The following EPG5 variants were observed in gnomAD, a reference collection of about 807,000 sequenced individuals.
EPG5 encodes the protein ectopic P-granules 5 autophagy tethering factor.
A neutral mutation model predicts 302.7 loss-of-function variants in EPG5; 159 were observed. That is an observed-to-expected ratio of 0.53 (90% CI 0.46 to 0.60). The LOEUF is 0.60. Ranked by LOEUF, EPG5 falls within the 20% of genes least tolerant of loss-of-function variation. EPG5 has a pLI of 0.00. For synonymous variants in EPG5, 1,158 were observed against 1,136.8 expected (o/e 1.02, Z -0.37); for missense variants, 2,896 against 3,092.4 (o/e 0.94, Z 1.51).
chr18:45,953,430 C>T (rs756085303), intron 2 of EPG5: 1 of 985,328 alleles, frequency 1.0e-6, no homozygotes, highest in Non-Finnish European at 1.2e-6. Context: ...CCAAATATTT[C>T]CCTCCTTACT....
At chr18:45,890,883 G>A (rs1272217750) in intron 27 of EPG5, among the ~76,000 whole-genome samples, 1 of 152,132 alleles carries the variant, frequency 6.6e-6, no homozygotes, top group Non-Finnish European at 1.5e-5. Flanking sequence ...TCAGACTGGG[G>A]AGCTGAGAGA....
chr18:45,834,573 TA>T, the EPG5 span, among the ~76,000 whole-genome samples: 1 of 152,230 alleles, frequency 6.6e-6, no homozygotes, highest in Non-Finnish European at 1.5e-5. Flanking sequence ...ACAGAAGGGA[TA>T]TTGTTCATGC....
chr18:45,885,569 G>A (rs1356950692), intron 29 of EPG5, among the ~76,000 whole-genome samples: 1 of 152,014 alleles, frequency 6.6e-6, no homozygotes, highest in East Asian at 1.9e-4. Context: ...TAATCAAGAT[G>A]ACGTCATCTT....
At position 45,904,821 on chromosome 18, in the gene EPG5, T is replaced by C. The variant is rs148469621; in HGVS notation, c.4330-704A>G. Among the ~76,000 whole-genome samples, 59 of 152,328 alleles carry C rather than the reference T, an allele frequency of 3.9e-4. 1 individual carries two copies. Among genetic ancestry groups the C allele is most frequent in the Middle Eastern group, 6.8e-3 (2 of 294 alleles). On this transcript the variant is annotated intron_variant, in intron 24 of 43. Coordinates refer to ENST00000282041, the MANE Select transcript of EPG5 (RefSeq NM_020964.3). ...ATTTGATATAAAAAATTATTTCTAA[T>C]ATGTTTAGGTATGCTATTGGGTTAT...
rs1351447675 is a variant in EPG5, at chr18:45,851,657, T to A, written c.*810A>T. Reference sequence around the variant, plus strand: ...TAGGTGTCGACAGGGGCAAGTGATGTGAATGAGGCTAGGGTCAGGGCCCGA... The same window carrying A: ...TAGGTGTCGACAGGGGCAAGTGATGAGAATGAGGCTAGGGTCAGGGCCCGA... On this transcript the variant is annotated 3_prime_UTR_variant, in exon 44 of 44. Coordinates refer to ENST00000282041, the MANE Select transcript of EPG5 (RefSeq NM_020964.3). The A allele has an allele frequency of 6.6e-6, 1 of 152,216 alleles. No individual in the cohort carries two copies. The highest frequency in any genetic ancestry group is 2.4e-5 in the African/African-American group (1 of 41,446). 9.4% of individuals were successfully genotyped at this position (152,216 alleles called of 1,614,324 possible).
chr18:45,894,088 A>G (rs1347587448), intron 27 of EPG5, among the ~76,000 whole-genome samples: 1 of 152,214 alleles, frequency 6.6e-6, no homozygotes, highest in East Asian at 1.9e-4. Flanking sequence ...TAATCATAAC[A>G]CAAAATAAGT....
the EPG5 span, among the ~76,000 whole-genome samples, chr18:45,835,221 A>AAAGCAAGT: frequency 6.6e-6 from 1 of 152,228 alleles, no homozygotes; most frequent in Non-Finnish European, 1.5e-5. Context: ...AGCCAAAACA[A>AAAGCAAGT]AAGGGAGATA....
intron 17 of EPG5, among the ~76,000 whole-genome samples, chr18:45,917,078 T>C (rs904637811): frequency 2.0e-5 from 3 of 152,176 alleles, no homozygotes; most frequent in Non-Finnish European, 2.9e-5. Context: ...ATTGGAGACA[T>C]ACTGCTTGAA....
intron 35 of EPG5, among the ~76,000 whole-genome samples, chr18:45,873,907 T>G (rs1307621370): frequency 6.6e-6 from 1 of 152,202 alleles, no homozygotes; most frequent in African/African-American, 2.4e-5. Flanking sequence ...TGTCTATTAC[T>G]AAGTGAAAGA....
chr18:45,856,047 AG>A (rs1264827042), intron 42 of EPG5, among the ~76,000 whole-genome samples: 1 of 152,254 alleles, frequency 6.6e-6, no homozygotes, highest in Non-Finnish European at 1.5e-5. Context: ...TTCTGCTCCT[AG>A]GTATACACAA....
At chr18:45,801,696 C>T in the EPG5 span, among the ~76,000 whole-genome samples, 1 of 152,186 alleles carries the variant, frequency 6.6e-6, no homozygotes, top group African/African-American at 2.4e-5. Context: ...TCCTTCCCTT[C>T]TCCTACTCCC....
At position 45,874,363 on chromosome 18, in the gene EPG5, C is replaced by CA. The variant is rs531438753; in HGVS notation, c.6049+1872dup. ...GTTAAACAAAAAATAAAATCTATTACAAAAAAAAAACAAAACTGGATGACA... is the reference window on the plus strand; with the variant it reads ...GTTAAACAAAAAATAAAATCTATTACAAAAAAAAAAACAAAACTGGATGACA... On this transcript the variant is annotated intron_variant, in intron 35 of 43. Coordinates refer to ENST00000282041, the MANE Select transcript of EPG5 (RefSeq NM_020964.3). 2.1e-3 allele frequency among the ~76,000 whole-genome samples: 304 copies of CA among 143,510 alleles called. 2 individuals carry two copies. Among genetic ancestry groups the CA allele is most frequent in the Middle Eastern group, 3.6e-3 (1 of 280 alleles). The allele number at this position is 143,510 out of a possible 152,430, so 94.1% of individuals were successfully genotyped here.
At chr18:45,820,069 G>A in the EPG5 span, among the ~76,000 whole-genome samples, 1 of 152,160 alleles carries the variant, frequency 6.6e-6, no homozygotes, top group Non-Finnish European at 1.5e-5. Flanking sequence ...CAGAAACTGT[G>A]CTCTTGCCAG....
Sources: allele counts gnomAD v4.1 joint callset (sites outside exome capture counted in the v4.1 genomes callset), GRCh38; gene constraint gnomAD v4.1.1; transcripts MANE v1.5; gene names NCBI Gene and HGNC (gene_info 2026-07-23, HGNC 2026-07-21).